Variants in CAMK2B observed in about 807,000 individuals in gnomAD.
CAMK2B encodes the protein calcium/calmodulin-dependent protein kinase type II subunit beta.
A neutral mutation model predicts 93.7 loss-of-function variants in CAMK2B; 27 were observed. That is an observed-to-expected ratio of 0.29 (90% CI 0.21 to 0.40). The LOEUF (loss-of-function observed/expected upper bound fraction) is 0.40. Among genes scored for constraint, CAMK2B ranks in the 10% least tolerant of loss-of-function variants. The probability of loss-of-function intolerance (pLI) is 1.00; values close to 1 mark genes in which losing one functional copy is unlikely to be tolerated. For missense variants in CAMK2B, 568 were observed against 895.8 expected, an observed-to-expected ratio of 0.63 and a Z score of 4.67; for synonymous variants, 374 against 358.8, an observed-to-expected ratio of 1.04 and a Z score of -0.48.
intron 1 of CAMK2B, among the ~76,000 whole-genome samples, chr7:44,316,870 C>G (rs1335852069): frequency 3.3e-5 from 5 of 152,034 alleles, no homozygotes; most frequent in African/African-American, 1.2e-4. Flanking sequence ...CTGTGTCATT[C>G]CTGATTTTAG....
At chr7:44,304,093 C>A (rs956911601) in intron 1 of CAMK2B, among the ~76,000 whole-genome samples, 1 of 152,166 alleles carries the variant, frequency 6.6e-6, no homozygotes, top group African/African-American at 2.4e-5. Context: ...TCTGACACCA[C>A]CAAATGATGG....
In CAMK2B at chr7:44,253,075, C is replaced by T. The variant is rs1025304521; in HGVS notation, c.341+1467G>A. Among the ~76,000 whole-genome samples the T allele has an allele frequency of 3.9e-4, 60 of 152,122 alleles. 1 individual carries two copies. Among genetic ancestry groups the T allele is most frequent in the Admixed American group, 2.3e-3 (35 of 15,280 alleles). ...CTGCTCACACTGCCCATCAGGGATG[C>T]GGGCCATGTCACGATGGGCAGTTTC... On this transcript the variant is annotated intron_variant, in intron 5 of 23. Transcript: ENST00000395749.
chr7:44,258,950 G>A (rs967418937), intron 3 of CAMK2B, 24 bp from the exon 4 acceptor site: 30 of 1,611,288 alleles, frequency 1.9e-5, no homozygotes, highest in East Asian at 4.5e-5. Context: ...GAAGCCATGA[G>A]GGGCTGGCAA....
chr7:44,220,419 G>C (rs2096386055), intron 22 of CAMK2B, 125 bp from the exon 23 acceptor site: 2 of 903,096 alleles, frequency 2.2e-6, no homozygotes, highest in Non-Finnish European at 3.4e-6. Flanking sequence ...CGGCTCTCCT[G>C]GGAGCAGCAT....
In CAMK2B at chr7:44,325,558, G is replaced by A; in HGVS notation, c.-137C>T. On this transcript the variant is annotated 5_prime_UTR_variant, in exon 1 of 24. Coordinates refer to ENST00000395749, the MANE Select transcript of CAMK2B (RefSeq NM_001220.5). ...GCTCGCGGCGCCAGGCGGGGGCCGGGCTGGGCTGCGCCGGGCGGCGAGCGC... is the reference window on the plus strand; with the variant it reads ...GCTCGCGGCGCCAGGCGGGGGCCGGACTGGGCTGCGCCGGGCGGCGAGCGC... 3.2e-6 allele frequency: 1 copy of A among 310,542 alleles called. No individual in the cohort carries two copies. The highest frequency in any genetic ancestry group is 4.6e-6 in the Non-Finnish European group (1 of 215,486). 19.2% of individuals were successfully genotyped at this position (310,542 alleles called of 1,614,324 possible). A position where few individuals can be genotyped will look rare whatever the true frequency, so the allele number is the denominator to read the frequency against.
chr7:44,237,880 C>T (rs914626278), intron 13 of CAMK2B, among the ~76,000 whole-genome samples: 14 of 152,272 alleles, frequency 9.2e-5, no homozygotes, highest in Middle Eastern at 3.4e-3. Flanking sequence ...GTCTCCAGGC[C>T]GGGGCAACTG....
At chr7:44,221,046 C>T in intron 20 of CAMK2B, 145 bp from the exon 21 acceptor site, 1 of 632,280 alleles carries the variant, frequency 1.6e-6, no homozygotes, top group Admixed American at 2.8e-5. Flanking sequence ...GTCCTCTCCG[C>T]CGCCCCCCCT....
intron 1 of CAMK2B, among the ~76,000 whole-genome samples, chr7:44,292,473 T>A (rs1008217447): frequency 1.3e-5 from 2 of 152,274 alleles, no homozygotes; most frequent in African/African-American, 4.8e-5. Context: ...GGCAAACACT[T>A]CCCAAATCAC....
intron 1 of CAMK2B, among the ~76,000 whole-genome samples, chr7:44,323,561 G>A (rs1015495250): frequency 6.6e-6 from 1 of 152,190 alleles, no homozygotes; most frequent in African/African-American, 2.4e-5. Flanking sequence ...GGACACTGCC[G>A]CTGGACGCAG....
chr7:44,262,470 G>A (rs1005663765), intron 3 of CAMK2B, among the ~76,000 whole-genome samples: 8 of 152,254 alleles, frequency 5.3e-5, no homozygotes, highest in African/African-American at 1.9e-4. Flanking sequence ...AAAACAGTCA[G>A]GGGCTCTCAG....
At chr7:44,318,329 G>A (rs578076715) in intron 1 of CAMK2B, among the ~76,000 whole-genome samples, 5 of 152,302 alleles carry the variant, frequency 3.3e-5, no homozygotes, top group South Asian at 4.1e-4. Flanking sequence ...CAGAATACCC[G>A]CAAGACCTAC....
In CAMK2B at chr7:44,228,684, C is replaced by A. The variant is rs114777453; in HGVS notation, c.1468+112G>T. 1.6e-3 allele frequency: 1,713 copies of A among 1,053,358 alleles called. 23 individuals carry two copies. In the African/African-American group the frequency reaches 0.027, roughly 16 times the overall value. The allele number at this position is 1,053,358 out of a possible 1,614,324, so 65.3% of individuals were successfully genotyped here. On this transcript the variant is annotated intron_variant, in intron 19 of 23. Transcript: ENST00000395749. ...GCCAGGGCAGGACTCCAGGCTGCGG[C>A]GCCGGGGCAGGGTAGCTGGGCCGTG...
In CAMK2B at chr7:44,225,596, T is replaced by C. The variant is rs547090540; in HGVS notation, c.1597+920A>G. Among the ~76,000 whole-genome samples, 503 of 152,088 alleles carry C rather than the reference T, an allele frequency of 3.3e-3. 3 individuals carry two copies. The highest frequency in any genetic ancestry group is 0.012 in the African/African-American group (479 of 41,506). On this transcript the variant is annotated intron_variant, in intron 20 of 23. Coordinates refer to ENST00000395749, the MANE Select transcript of CAMK2B (RefSeq NM_001220.5). The surrounding 1 kb of genome is among the most constrained non-coding windows in gnomAD (Gnocchi z 5.0). ...TGCTCTCTCGGGCACCCAGGGTGGA[T>C]CCAGTGCCCCTTTGAGCCTGCAGCC...
chr7:44,315,462 T>A (rs544830157), intron 1 of CAMK2B, among the ~76,000 whole-genome samples: 44 of 152,364 alleles, frequency 2.9e-4, no homozygotes, highest in Non-Finnish European at 5.6e-4. Context: ...CACCACACTG[T>A]CTTGATTGCT....
rs1343133306 is a variant in CAMK2B at position 44,243,260 on chromosome 7, G to A, written c.591C>T (p.Ile197=). 1 of 1,613,586 alleles carries A rather than the reference G, an allele frequency of 6.2e-7. No individual in the cohort carries two copies. The highest frequency in any genetic ancestry group is 1.1e-5 in the South Asian group (1 of 91,074). ...RKEAYGKPVD[I]WACGVILYIL... is the part of the protein sequence containing the mutation. ...CAGGCCAGGCCTCACCACATGCCCA[G>A]ATGTCCACAGGCTTGCCATACGCCT... is the stretch of plus-strand genomic sequence containing the variant. Residue 197 remains isoleucine (I), a synonymous_variant, in exon 8 of 24, where the codon ATC becomes ATT. Coordinates refer to ENST00000395749, the MANE Select transcript of CAMK2B (RefSeq NM_001220.5).
intron 1 of CAMK2B, among the ~76,000 whole-genome samples, chr7:44,289,551 G>C (rs999075267): frequency 6.6e-6 from 1 of 152,206 alleles, no homozygotes; most frequent in African/African-American, 2.4e-5. Flanking sequence ...AGCCTATCCC[G>C]TGTGGTCACG....
intron 16 of CAMK2B, among the ~76,000 whole-genome samples, chr7:44,231,622 A>C (rs2096580172): frequency 6.6e-6 from 1 of 152,252 alleles, no homozygotes; most frequent in African/African-American, 2.4e-5. Context: ...AGATCCGCAC[A>C]GGGCTCCAGG....
At chr7:44,249,620 T>C (rs2096761181) in intron 5 of CAMK2B, among the ~76,000 whole-genome samples, 1 of 152,154 alleles carries the variant, frequency 6.6e-6, no homozygotes, top group Admixed American at 6.5e-5. Flanking sequence ...TCCTCTGCCC[T>C]TGGGCACTCT....
intron 3 of CAMK2B, among the ~76,000 whole-genome samples, chr7:44,261,643 CT>C (rs1484338090): frequency 6.6e-6 from 1 of 151,924 alleles, no homozygotes; most frequent in Non-Finnish European, 1.5e-5. Context: ...CATGTGGACA[CT>C]TTAAAAAAAA....
Sources: allele counts gnomAD v4.1 joint callset (sites outside exome capture counted in the v4.1 genomes callset), GRCh38; gene constraint gnomAD v4.1.1; non-coding constraint Gnocchi (gnomAD v3.1); transcripts MANE v1.5; gene names NCBI Gene and HGNC (gene_info 2026-07-23, HGNC 2026-07-21).